VCF1: variants seen among roughly 807,000 people sequenced by gnomAD.
VCF1 encodes the protein VCP nuclear cofactor family member 1.
the VCF1 span, chr17:73,212,552 C>A: frequency 1.5e-6 from 1 of 670,678 alleles, no homozygotes; most frequent in South Asian, 2.7e-5. Context: ...AAGTCAAAGT[C>A]AAAAACAAAA....
the VCF1 span, among the ~76,000 whole-genome samples, chr17:73,223,426 A>G: frequency 2.0e-5 from 3 of 152,252 alleles, no homozygotes; most frequent in Non-Finnish European, 4.4e-5. Context: ...CCGGCAAATC[A>G]GTTCACATTA....
the VCF1 span, among the ~76,000 whole-genome samples, chr17:73,217,004 A>G: frequency 6.6e-6 from 1 of 152,182 alleles, no homozygotes; most frequent in African/African-American, 2.4e-5. Context: ...CTATGTGTAT[A>G]TTATCTAGAA....
the VCF1 span, among the ~76,000 whole-genome samples, chr17:73,217,119 CA>C: frequency 1.3e-5 from 2 of 152,098 alleles, no homozygotes; most frequent in Non-Finnish European, 2.9e-5. Context: ...CAGTTGAGGC[CA>C]GGAGTTCGAG....
chr17:73,215,698 C>G, the VCF1 span, among the ~76,000 whole-genome samples: 1 of 152,194 alleles, frequency 6.6e-6, no homozygotes, highest in Non-Finnish European at 1.5e-5. Context: ...TTACTATGTA[C>G]AAGGCGTTCC....
At chr17:73,229,217 A>G in the VCF1 span, 12 of 985,352 alleles carry the variant, frequency 1.2e-5, no homozygotes, top group Non-Finnish European at 1.4e-5. Context: ...GGATGGTACC[A>G]GATTAAGAAA....
At chr17:73,225,438 T>C in the VCF1 span, among the ~76,000 whole-genome samples, 1 of 151,606 alleles carries the variant, frequency 6.6e-6, no homozygotes, top group Non-Finnish European at 1.5e-5. Flanking sequence ...TAAAAAAGGA[T>C]GACAATTTCT....
At chr17:73,229,312 A>G in the VCF1 span, 1 of 985,466 alleles carries the variant, frequency 1.0e-6, no homozygotes, top group South Asian at 4.7e-5. Context: ...CAATGGTGTT[A>G]ACAACTGGCA....
the VCF1 span, chr17:73,208,047 G>A: frequency 7.3e-7 from 1 of 1,368,520 alleles, no homozygotes; most frequent in Non-Finnish European, 9.4e-7. Flanking sequence ...CCCACATTAG[G>A]TTAGCAGGCT....
the VCF1 span, among the ~76,000 whole-genome samples, chr17:73,219,378 C>T: frequency 5.3e-5 from 8 of 151,872 alleles, no homozygotes; most frequent in Non-Finnish European, 1.0e-4. Flanking sequence ...CGGCTGGGCG[C>T]GGTGGCTCAT....
At chr17:73,219,191 CAAAAAAAAAAAAAA>C in the VCF1 span, among the ~76,000 whole-genome samples, 1 of 41,856 alleles carries the variant, frequency 2.4e-5, no homozygotes, top group Non-Finnish European at 4.4e-5. Flanking sequence ...AACTCCGTCT[CAAAAAAAAAAAAAA>C]AAAAAAAACG....
the VCF1 span, among the ~76,000 whole-genome samples, chr17:73,219,191 CAAAA>C: frequency 1.4e-4 from 6 of 41,872 alleles, no homozygotes; most frequent in Non-Finnish European, 2.2e-4. Context: ...AACTCCGTCT[CAAAA>C]AAAAAAAAAA....
the VCF1 span, chr17:73,229,137 G>A: frequency 1.0e-6 from 1 of 985,286 alleles, no homozygotes. Flanking sequence ...AAATATCCCT[G>A]CCTCATAAAT....
At chr17:73,210,591 T>C in the VCF1 span, among the ~76,000 whole-genome samples, 1 of 151,708 alleles carries the variant, frequency 6.6e-6, no homozygotes, top group Admixed American at 6.6e-5. Context: ...ATTTCAGAAT[T>C]ATGGTATTTT....
chr17:73,218,696 C>T, the VCF1 span, among the ~76,000 whole-genome samples: 7 of 151,992 alleles, frequency 4.6e-5, no homozygotes, highest in African/African-American at 1.7e-4. Flanking sequence ...ACCACCCTGA[C>T]CAACATGGAG....
the VCF1 span, among the ~76,000 whole-genome samples, chr17:73,218,890 T>C: frequency 1.5e-4 from 23 of 151,790 alleles, no homozygotes; most frequent in South Asian, 6.2e-4. Flanking sequence ...CGTGGTGGCG[T>C]GCGCCTGTAG....
At chr17:73,208,454 T>TG in the VCF1 span, 9 of 1,614,016 alleles carry the variant, frequency 5.6e-6, no homozygotes, top group South Asian at 5.5e-5. Context: ...CTAAGTAACA[T>TG]GGCAACACAT....
At chr17:73,209,664 G>A in the VCF1 span, 151 of 1,552,136 alleles carry the variant, frequency 9.7e-5, 1 homozygote, top group East Asian at 1.3e-3. Flanking sequence ...GGCTGGATCC[G>A]GCCATGGTCT....
chr17:73,209,470 T>G, the VCF1 span: 2 of 1,516,700 alleles, frequency 1.3e-6, no homozygotes, highest in Admixed American at 4.4e-5. Flanking sequence ...AGTTGTAAGT[T>G]GAAATATCAA....
the VCF1 span, chr17:73,207,483 TG>T: frequency 3.1e-6 from 2 of 650,704 alleles, no homozygotes; most frequent in Non-Finnish European, 5.4e-6. Context: ...TTAATAGAAA[TG>T]TAGAAAATAT....
Sources: gnomAD v4.1 joint callset for allele counts (sites outside exome capture counted in the v4.1 genomes callset) on GRCh38, gnomAD v4.1.1 for gene constraint, MANE v1.5 for transcripts, NCBI Gene and HGNC (gene_info 2026-07-23, HGNC 2026-07-21) for gene names.